Variants in FARS2 observed in about 807,000 individuals in gnomAD.
FARS2 encodes the protein phenylalanyl-tRNA synthetase 2, mitochondrial, also known as phenylalanine--tRNA ligase, mitochondrial.
A neutral mutation model predicts 46.4 loss-of-function variants in FARS2; 40 were observed. That is an observed-to-expected ratio of 0.86 (90% CI 0.67 to 1.12). The LOEUF is 1.12. Among genes scored for constraint, FARS2 ranks in the 50% most tolerant of loss-of-function variants. The pLI is 0.00. For missense variants in FARS2, 513 were observed against 567.9 expected, an observed-to-expected ratio of 0.90 and a Z score of 0.98; for synonymous variants, 234 against 214.9, an observed-to-expected ratio of 1.09 and a Z score of -0.78.
At chr6:5,266,862 CTT>C (rs1439055921) in intron 1 of FARS2, among the ~76,000 whole-genome samples, 1 of 152,174 alleles carries the variant, frequency 6.6e-6, no homozygotes, top group East Asian at 1.9e-4. Flanking sequence ...ATTAACATCT[CTT>C]TGAAAAGACG....
chr6:5,613,571 C>A (rs188464249), intron 6 of FARS2, among the ~76,000 whole-genome samples: 1 of 152,188 alleles, frequency 6.6e-6, no homozygotes, highest in Non-Finnish European at 1.5e-5. Context: ...AAAAGTCCTG[C>A]AGCTTTTCAG....
chr6:5,456,250 A>G (rs1764852527), intron 4 of FARS2, among the ~76,000 whole-genome samples: 1 of 152,006 alleles, frequency 6.6e-6, no homozygotes, highest in African/African-American at 2.4e-5. Flanking sequence ...ACAAATATTT[A>G]TTGTATGCCT....
Position 5,750,449 on chromosome 6 carries a change from A to G in FARS2, c.1218-20842A>G, listed in dbSNP as rs61019426. On this transcript the variant is annotated intron_variant, in intron 6 of 6. Coordinates refer to ENST00000274680, the MANE Select transcript of FARS2 (RefSeq NM_006567.5). Reference sequence around the variant, plus strand: ...TGGGCTGGACAATGGAGATATTTTCAGGAAGCTTGGTTGAGAAGGACAGGC... The same window carrying G: ...TGGGCTGGACAATGGAGATATTTTCGGGAAGCTTGGTTGAGAAGGACAGGC... 4.4e-3 allele frequency among the ~76,000 whole-genome samples: 671 copies of G among 152,310 alleles called. 10 individuals carry two copies. The highest frequency in any genetic ancestry group is 0.015 in the African/African-American group (619 of 41,572).
chr6:5,582,231 G>A (rs1773378754), intron 5 of FARS2, among the ~76,000 whole-genome samples: 1 of 114,754 alleles, frequency 8.7e-6, no homozygotes, highest in Non-Finnish European at 1.8e-5. Context: ...ACATACTTCC[G>A]GTTAATTCCT....
intron 5 of FARS2, among the ~76,000 whole-genome samples, chr6:5,599,004 C>T (rs572506528): frequency 1.3e-3 from 204 of 152,322 alleles, no homozygotes; most frequent in African/African-American, 4.6e-3. Flanking sequence ...AGTGACTTCG[C>T]TAGCTGGGCC....
Position 5,316,556 on chromosome 6 carries a change from C to T in FARS2, c.-21-51994C>T, listed in dbSNP as rs961810077. Among the ~76,000 whole-genome samples the T allele has an allele frequency of 5.3e-5, 8 of 152,066 alleles. No individual in the cohort carries two copies. In the East Asian group the frequency reaches 9.6e-4, roughly 18 times the overall value. The stretch of plus-strand genomic sequence containing the variant: ...GAGGATACCTGGAATGACAGGTGAC[C>T]GGAAGCAGAAGTCCAAGAGCAGAAT... On this transcript the variant is annotated intron_variant, in intron 1 of 6. Coordinates refer to ENST00000274680, the MANE Select transcript of FARS2 (RefSeq NM_006567.5).
chr6:5,687,741 T>G (rs1433201354), intron 6 of FARS2, among the ~76,000 whole-genome samples: 2 of 152,220 alleles, frequency 1.3e-5, no homozygotes, highest in Non-Finnish European at 1.5e-5. Context: ...GTGAAGAAAG[T>G]CATTGGTAAC....
At chr6:5,688,290 G>A (rs1379819026) in intron 6 of FARS2, among the ~76,000 whole-genome samples, 1 of 152,146 alleles carries the variant, frequency 6.6e-6, no homozygotes, top group Non-Finnish European at 1.5e-5. Flanking sequence ...GTTTTCAAAG[G>A]GAATGCTTCC....
chr6:5,656,131 C>T (rs1777596473), intron 6 of FARS2, among the ~76,000 whole-genome samples: 1 of 152,188 alleles, frequency 6.6e-6, no homozygotes, highest in Non-Finnish European at 1.5e-5. Flanking sequence ...TCTCCAAGTA[C>T]AATGGAAGAC....
At chr6:5,414,315 A>C (rs975150276) in intron 3 of FARS2, among the ~76,000 whole-genome samples, 6 of 152,222 alleles carry the variant, frequency 3.9e-5, no homozygotes, top group Admixed American at 3.9e-4. Flanking sequence ...CTTTTGACAT[A>C]ATTATACACA....
At chr6:5,679,558 C>T (rs1383961853) in intron 6 of FARS2, among the ~76,000 whole-genome samples, 1 of 152,122 alleles carries the variant, frequency 6.6e-6, no homozygotes, top group Non-Finnish European at 1.5e-5. Flanking sequence ...ATACTGATCG[C>T]CTTACCTCCC....
At chr6:5,663,009 C>T (rs1291229936) in intron 6 of FARS2, among the ~76,000 whole-genome samples, 1 of 152,132 alleles carries the variant, frequency 6.6e-6, no homozygotes, top group Admixed American at 6.5e-5. Context: ...GCTTCGGAAG[C>T]CTGTTACCTT....
At chr6:5,433,921 C>G (rs1177555399) in intron 4 of FARS2, among the ~76,000 whole-genome samples, 1 of 152,116 alleles carries the variant, frequency 6.6e-6, no homozygotes, top group East Asian at 1.9e-4. Context: ...TTATCTGAAA[C>G]AGATTTCCAA....
chr6:5,277,576 A>G (rs938176397), intron 1 of FARS2, among the ~76,000 whole-genome samples: 1 of 152,234 alleles, frequency 6.6e-6, no homozygotes, highest in Admixed American at 6.5e-5. Context: ...ATTTGTTTGT[A>G]AAGAGACGAT....
chr6:5,601,214 C>G (rs1410696120), intron 5 of FARS2, among the ~76,000 whole-genome samples: 1 of 151,816 alleles, frequency 6.6e-6, no homozygotes, highest in Non-Finnish European at 1.5e-5. Context: ...ACATCAGAGC[C>G]CTTAGTTTTA....
At chr6:5,756,340 G>A (rs1762203737) in intron 6 of FARS2, among the ~76,000 whole-genome samples, 1 of 152,106 alleles carries the variant, frequency 6.6e-6, no homozygotes, top group African/African-American at 2.4e-5. Context: ...TTCTCACACT[G>A]CTATGAAGAA....
At chr6:5,692,420 C>A (rs546155477) in intron 6 of FARS2, among the ~76,000 whole-genome samples, 1 of 152,192 alleles carries the variant, frequency 6.6e-6, no homozygotes, top group Non-Finnish European at 1.5e-5. Flanking sequence ...TATCTTTTGG[C>A]AAACCATATA....
chr6:5,358,197 T>G (rs530847704), intron 1 of FARS2, among the ~76,000 whole-genome samples: 1 of 152,164 alleles, frequency 6.6e-6, no homozygotes, highest in Non-Finnish European at 1.5e-5. Flanking sequence ...TTTAAAAAAA[T>G]TTTTAATTTT....
chr6:5,340,314 T>C (rs1453632072), intron 1 of FARS2, among the ~76,000 whole-genome samples: 1 of 152,218 alleles, frequency 6.6e-6, no homozygotes, highest in East Asian at 1.9e-4. Context: ...CATCAGCATG[T>C]GTTCAGAAGG....
Sources: allele counts gnomAD v4.1 joint callset (sites outside exome capture counted in the v4.1 genomes callset), GRCh38; gene constraint gnomAD v4.1.1; transcripts MANE v1.5; gene names NCBI Gene and HGNC (gene_info 2026-07-23, HGNC 2026-07-21).